MSX1: variants seen among roughly 807,000 people sequenced by gnomAD.
MSX1 encodes msh homeobox 1, also known as homeobox protein MSX-1.
A neutral mutation model predicts 17.0 loss-of-function variants in MSX1; 11 were observed. The observed-to-expected ratio is 0.65, with a 90% CI of 0.41 to 1.07. The LOEUF (loss-of-function observed/expected upper bound fraction) is 1.07. Among genes scored for constraint, MSX1 ranks in the 50% least tolerant of loss-of-function variants. The probability of loss-of-function intolerance (pLI) is 0.00; values close to 1 mark genes in which losing one functional copy is unlikely to be tolerated. For missense variants in MSX1, 477 were observed against 440.1 expected (o/e 1.08, Z -0.75); for synonymous variants, 253 against 211.8 (o/e 1.19, Z -1.69).
Position 4,860,124 on chromosome 4 carries a change from C to A in MSX1, c.225C>A (p.Ala75=). ...TGGCCGACCACAGGAAGCCGGGGGC[C>A]AAGGAGAGCGCCCTGGCGCCCTCCG... ...ALMADHRKPG[A]KESALAPSEG... is the part of the protein sequence containing the mutation. Residue 75 remains alanine, a synonymous_variant, in exon 1 of 2, where the codon GCC becomes GCA. Coordinates refer to ENST00000382723, the MANE Select transcript of MSX1 (RefSeq NM_002448.3). 1 of 1,515,108 alleles carries A rather than the reference C, an allele frequency of 6.6e-7. No homozygotes were observed. The highest frequency in any genetic ancestry group is 8.8e-7 in the Non-Finnish European group (1 of 1,136,558). The allele number at this position is 1,515,108 out of a possible 1,614,324, so 93.9% of individuals were successfully genotyped here. A position where few individuals can be genotyped will look rare whatever the true frequency, so the allele number is the denominator to read the frequency against.
rs1280418300 is a variant in MSX1, at chr4:4,863,075, G to A, written c.844G>A (p.Ala282Thr). 3.7e-6 allele frequency: 6 copies of A among 1,608,396 alleles called. No individual in the cohort carries two copies. In the South Asian group the frequency reaches 4.4e-5, roughly 12 times the overall value. The stretch of plus-strand genomic sequence containing the variant: ...TGCCTCTGGCCCCTTCCAGCGCGCC[G>A]CGCTGCCTGTGGCGCCCGTGGGACT... The part of the protein sequence containing the change: ...YGASGPFQRA[A>T]LPVAPVGLYT... Residue 282 changes from alanine (A) to threonine (T), a missense_variant, in exon 2 of 2, where the codon GCG becomes ACG. By Grantham distance (58) the Ala-to-Thr change is moderately conservative. This residue lies in a region of MSX1 where 114 missense variants were observed against 106.3 expected (regional missense o/e 1.07). Transcript: ENST00000382723.
Position 4,859,920 on chromosome 4 carries a change from G to T in MSX1, c.21G>T (p.Met7Ile). 6.7e-7 allele frequency: 1 copy of T among 1,497,482 alleles called. No individual in the cohort carries two copies. The highest frequency in any genetic ancestry group is 1.3e-5 in the South Asian group (1 of 77,944). 92.8% of individuals were successfully genotyped at this position (1,497,482 alleles called of 1,614,324 possible). Reference protein sequence around the residue: MAPAADMTSLPLGVKVE... With the variant: MAPAADITSLPLGVKVE... ...TCTGCATGGCCCCGGCTGCTGACATGACTTCTTTGCCACTCGGTGTCAAAG... is the reference window on the plus strand; with the variant it reads ...TCTGCATGGCCCCGGCTGCTGACATTACTTCTTTGCCACTCGGTGTCAAAG... Residue 7 changes from methionine (M) to isoleucine (I), a missense_variant, in exon 1 of 2, where the codon ATG (methionine) becomes ATT (isoleucine). Physicochemically the swap from Met to Ile is conservative, Grantham distance 10 (BLOSUM62 1). Transcript: ENST00000382723.
chr4:4,859,957 G>A lies in MSX1; in HGVS notation c.58G>A (p.Ala20Thr), dbSNP rs766466650. ...ACTCGGTGTCAAAGTGGAGGACTCCGCCTTCGGCAAGCCGGCGGGGGGAGG... is the reference window on the plus strand; with the variant it reads ...ACTCGGTGTCAAAGTGGAGGACTCCACCTTCGGCAAGCCGGCGGGGGGAGG... The part of the protein sequence containing the change: ...LPLGVKVEDS[A>T]FGKPAGGGAG... Residue 20 changes from alanine (A) to threonine (T), a missense_variant, in exon 1 of 2, where the codon GCC becomes ACC. By Grantham distance (58) the Ala-to-Thr change is moderately conservative. This residue lies in a region of MSX1 where 355 missense variants were observed against 306.1 expected (regional missense o/e 1.16). Transcript: ENST00000382723. The A allele has an allele frequency of 8.0e-6, 12 of 1,494,644 alleles. 2 individuals carry two copies. The highest frequency in any genetic ancestry group is 2.6e-5 in the South Asian group (2 of 77,506). The allele number at this position is 1,494,644 out of a possible 1,614,324, so 92.6% of individuals were successfully genotyped here.
At position 4,863,140 on chromosome 4, in the gene MSX1, A is replaced by G; in HGVS notation, c.909A>G (p.Thr303=). 1 of 1,602,028 alleles carries G rather than the reference A, an allele frequency of 6.2e-7. No individual in the cohort carries two copies. Among genetic ancestry groups the G allele is most frequent in the Non-Finnish European group, 8.5e-7 (1 of 1,178,642 alleles). The stretch of plus-strand genomic sequence containing the variant: ...TGGGCTACAGCATGTACCACCTGAC[A>G]TAGAGGGTCCCAGGTCGCCCACCTG... ...AHVGYSMYHL[T] Residue 303 remains threonine (T), a synonymous_variant, in exon 2 of 2, where the codon ACA becomes ACG. Transcript: ENST00000382723.
Position 4,863,269 on chromosome 4 carries a change from A to G in MSX1, c.*126A>G. ...TTAACCCTCACACTGCTCCAGTTTC[A>G]CCTCTTTGCTCCCTGAGTTCACTCT... On this transcript the variant is annotated 3_prime_UTR_variant, in exon 2 of 2. Coordinates refer to ENST00000382723, the MANE Select transcript of MSX1 (RefSeq NM_002448.3). 9.8e-7 allele frequency: 1 copy of G among 1,016,608 alleles called. No homozygotes were observed. Among genetic ancestry groups the G allele is most frequent in the Non-Finnish European group, 1.4e-6 (1 of 690,536 alleles). 63.0% of individuals were successfully genotyped at this position (1,016,608 alleles called of 1,614,324 possible).
Position 4,863,383 on chromosome 4 carries a change from G to A in MSX1, c.*240G>A. The A allele has an allele frequency of 3.7e-6, 2 of 535,984 alleles. No homozygotes were observed. Among genetic ancestry groups the A allele is most frequent in the Non-Finnish European group, 6.7e-6 (2 of 299,034 alleles). The allele number at this position is 535,984 out of a possible 1,614,324, so 33.2% of individuals were successfully genotyped here. A position where few individuals can be genotyped will look rare whatever the true frequency, so the allele number is the denominator to read the frequency against. ...ATCTACACTCTCGAGTTAAAGATGG[G>A]GAAACTGAGGGCAGAGAGGTTAACA... is the stretch of plus-strand genomic sequence containing the variant. On this transcript the variant is annotated 3_prime_UTR_variant, in exon 2 of 2. Coordinates refer to ENST00000382723, the MANE Select transcript of MSX1 (RefSeq NM_002448.3).
chr4:4,862,106 A>G (rs1274617815), intron 1 of MSX1, among the ~76,000 whole-genome samples: 1 of 152,226 alleles, frequency 6.6e-6, no homozygotes, highest in Non-Finnish European at 1.5e-5. Context: ...GCGCTGCTCC[A>G]TCTCTGGTCT....
At chr4:4,862,674 T>G in intron 1 of MSX1, 27 bp from the exon 2 acceptor site, 1 of 1,599,780 alleles carries the variant, frequency 6.3e-7, no homozygotes, top group Non-Finnish European at 8.5e-7. Flanking sequence ...TCTTAACCCC[T>G]TGCTTTTTTT....
In MSX1 at chr4:4,863,501, GA is replaced by G. The variant is rs1737973983; in HGVS notation, c.*362del. On this transcript the variant is annotated 3_prime_UTR_variant, in exon 2 of 2. Transcript: ENST00000382723. ...TTTTCCCTGTCCTGACACCAGGCAA[GA>G]AAAGCGCAGAGAAATCGGTGTCTGA... 1 of 125,202 alleles carries G rather than the reference GA, an allele frequency of 8.0e-6. No individual in the cohort carries two copies. The allele number at this position is 125,202 out of a possible 1,614,324, so 7.8% of individuals were successfully genotyped here.
chr4:4,863,249 C>A lies in MSX1; in HGVS notation c.*106C>A. ...CACCGCCAGCCGCCTTCCCTTTAAC[C>A]CTCACACTGCTCCAGTTTCACCTCT... On this transcript the variant is annotated 3_prime_UTR_variant, in exon 2 of 2. Coordinates refer to ENST00000382723, the MANE Select transcript of MSX1 (RefSeq NM_002448.3). 2 of 1,159,572 alleles carry A rather than the reference C, an allele frequency of 1.7e-6. No homozygotes were observed. The highest frequency in any genetic ancestry group is 2.5e-6 in the Non-Finnish European group (2 of 813,554). 71.8% of individuals were successfully genotyped at this position (1,159,572 alleles called of 1,614,324 possible).
At chr4:4,862,323 T>A (rs2108778388) in intron 1 of MSX1, 2 of 410,706 alleles carry the variant, frequency 4.9e-6, no homozygotes, top group African/African-American at 2.0e-5. Flanking sequence ...TGTATTAACA[T>A]CCACCTTTCC....
At chr4:4,861,842 T>G (rs1737922562) in intron 1 of MSX1, among the ~76,000 whole-genome samples, 1 of 152,134 alleles carries the variant, frequency 6.6e-6, no homozygotes, top group Non-Finnish European at 1.5e-5. Flanking sequence ...GTCTGCTGAC[T>G]ATGCCACAGG....
rs1737978831 is a variant in MSX1 at position 4,863,575 on chromosome 4, A to AAAAAAAAAAAAAAAAAAAAAAG, written c.*445_*446insAAAAAAAAGAAAAAAAAAAAAA. ...CTCAAAAAAAAAAAAAAAAAAAAAA[A>AAAAAAAAAAAAAAAAAAAAAAG]AAAAAAAAAAAAAGAAAAGAGAAAA... On this transcript the variant is annotated 3_prime_UTR_variant, in exon 2 of 2. Coordinates refer to ENST00000382723, the MANE Select transcript of MSX1 (RefSeq NM_002448.3). 1 of 150,380 alleles carries AAAAAAAAAAAAAAAAAAAAAAG rather than the reference A, an allele frequency of 6.6e-6. No homozygotes were observed. The highest frequency in any genetic ancestry group is 1.5e-5 in the Non-Finnish European group (1 of 68,466). The allele number at this position is 150,380 out of a possible 1,614,324, so 9.3% of individuals were successfully genotyped here. A position where few individuals can be genotyped will look rare whatever the true frequency, so the allele number is the denominator to read the frequency against.
chr4:4,860,042 AG>A lies in MSX1; in HGVS notation c.148del (p.Ala50ProfsTer110). On this transcript the variant is annotated frameshift_variant, in exon 1 of 2. Transcript: ENST00000382723. LOFTEE classifies it high-confidence loss of function. Reference protein sequence around the residue: ...ATAAAMGADEEGAKPKVSPSL... With the variant: ...ATAAAMGADEXGAKPKVSPSL... Reference sequence around the variant, plus strand: ...GCAGCCGCCATGGGCGCGGACGAGGAGGGGGCCAAGCCCAAAGTGTCCCCTT... The same window carrying A: ...GCAGCCGCCATGGGCGCGGACGAGGAGGGGCCAAGCCCAAAGTGTCCCCTT... 6.6e-7 allele frequency: 1 copy of A among 1,511,450 alleles called. No homozygotes were observed. The allele number at this position is 1,511,450 out of a possible 1,614,324, so 93.6% of individuals were successfully genotyped here. A position where few individuals can be genotyped will look rare whatever the true frequency, so the allele number is the denominator to read the frequency against.
chr4:4,860,419 G>A (rs1214144162), intron 1 of MSX1, 51 bp downstream of exon 1: 1 of 1,538,114 alleles, frequency 6.5e-7, no homozygotes. Flanking sequence ...TGGGGGCCGG[G>A]TGGGGTGTGG....
At position 4,863,128 on chromosome 4, in the gene MSX1, G is replaced by A; in HGVS notation, c.897G>A (p.Met299Ile). 1 of 1,606,384 alleles carries A rather than the reference G, an allele frequency of 6.2e-7. No homozygotes were observed. The highest frequency in any genetic ancestry group is 1.3e-5 in the African/African-American group (1 of 75,008). Reference sequence around the variant, plus strand: ...ACACGGCCCATGTGGGCTACAGCATGTACCACCTGACATAGAGGGTCCCAG... The same window carrying A: ...ACACGGCCCATGTGGGCTACAGCATATACCACCTGACATAGAGGGTCCCAG... ...GLYTAHVGYS[M>I]YHLT Residue 299 changes from methionine (M) to isoleucine (I), a missense_variant, in exon 2 of 2, where the codon ATG becomes ATA. Physicochemically the swap from Met to Ile is conservative, Grantham distance 10. Coordinates refer to ENST00000382723, the MANE Select transcript of MSX1 (RefSeq NM_002448.3).
rs1374829405 is a variant in MSX1 at position 4,860,858 on chromosome 4, G to C, written c.469+490G>C. 2.0e-5 allele frequency among the ~76,000 whole-genome samples: 3 copies of C among 152,198 alleles called. 1 individual carries two copies. Among genetic ancestry groups the C allele is most frequent in the Non-Finnish European group, 4.4e-5 (3 of 68,040 alleles). On this transcript the variant is annotated intron_variant, in intron 1 of 1. Transcript: ENST00000382723. ...AGAATTCTACCTCCCCATGCCCTTT[G>C]AGTTTGAGGCAGATAGTTGGTGCTT...
At chr4:4,861,206 A>G (rs1737908793) in intron 1 of MSX1, among the ~76,000 whole-genome samples, 1 of 152,222 alleles carries the variant, frequency 6.6e-6, no homozygotes, top group Non-Finnish European at 1.5e-5. Flanking sequence ...AATGATTTTT[A>G]TCTGGGGATT....
rs1283961142 is a variant in MSX1, at chr4:4,862,359, G to A, written c.470-342G>A. ...TCTGGATGGCCCTGGGAGGAGGCCC[G>A]CCATGAAGGCCTTCCTAAGCCGCCG... On this transcript the variant is annotated intron_variant, in intron 1 of 1. Transcript: ENST00000382723. The A allele has an allele frequency of 4.4e-5, 21 of 472,190 alleles. No homozygotes were observed. In the East Asian group the frequency reaches 6.2e-4, roughly 14 times the overall value. The allele number at this position is 472,190 out of a possible 1,614,324, so 29.3% of individuals were successfully genotyped here.
Sources: gnomAD v4.1 joint callset for allele counts (sites outside exome capture counted in the v4.1 genomes callset) on GRCh38, gnomAD v4.1.1 for gene constraint, gnomAD v4.1.1 regional missense constraint, MANE v1.5 for transcripts, NCBI Gene and HGNC (gene_info 2026-07-23, HGNC 2026-07-21) for gene names.